UBE2E2: variants seen among roughly 807,000 people sequenced by gnomAD.
UBE2E2 encodes ubiquitin conjugating enzyme E2 E2.
Under a neutral mutation model 24.7 loss-of-function variants are expected in UBE2E2, and 6 were observed. The ratio of observed to expected loss-of-function variants is 0.24; its 90% CI spans 0.13 to 0.48. The LOEUF (loss-of-function observed/expected upper bound fraction) is 0.48. UBE2E2 is among the 20% of genes least tolerant of loss of function. The probability of loss-of-function intolerance (pLI) is 0.99; values close to 1 mark genes in which losing one functional copy is unlikely to be tolerated. For missense variants in UBE2E2, 169 were observed against 245.0 expected (o/e 0.69, Z 2.07); for synonymous variants, 104 against 83.6 (o/e 1.24, Z -1.33).
At chr3:23,327,914 A>G (rs1329954843) in intron 3 of UBE2E2, among the ~76,000 whole-genome samples, 1 of 152,196 alleles carries the variant, frequency 6.6e-6, no homozygotes, top group African/African-American at 2.4e-5. Flanking sequence ...TTATAGGATG[A>G]TAGAAGTATG....
intron 3 of UBE2E2, among the ~76,000 whole-genome samples, chr3:23,254,174 A>T (rs1220523865): frequency 6.6e-6 from 1 of 152,228 alleles, no homozygotes; most frequent in East Asian, 1.9e-4. Context: ...ATGAATTAAG[A>T]TGAATAACTG....
At chr3:23,525,851 G>A (rs1559411623) in intron 4 of UBE2E2, among the ~76,000 whole-genome samples, 4 of 152,192 alleles carry the variant, frequency 2.6e-5, no homozygotes, top group Non-Finnish European at 5.9e-5. Flanking sequence ...TGTAGGTTAA[G>A]GGTGGGAAGA....
chr3:23,284,889 C>A (rs1380194383), intron 3 of UBE2E2, among the ~76,000 whole-genome samples: 1 of 150,344 alleles, frequency 6.7e-6, no homozygotes, highest in East Asian at 1.9e-4. Flanking sequence ...CTGTAGCCAC[C>A]CTGTTGTTCT....
chr3:23,476,334 A>G (rs1198108140), intron 3 of UBE2E2, among the ~76,000 whole-genome samples: 1 of 152,080 alleles, frequency 6.6e-6, no homozygotes, highest in African/African-American at 2.4e-5. Flanking sequence ...TGTAATTATT[A>G]TGCTAGATAC....
At chr3:23,297,516 C>G (rs2125256435) in intron 3 of UBE2E2, among the ~76,000 whole-genome samples, 1 of 152,334 alleles carries the variant, frequency 6.6e-6, no homozygotes, top group South Asian at 2.1e-4. Context: ...GCAGTTTCAG[C>G]TTTCTACCTA....
intron 3 of UBE2E2, among the ~76,000 whole-genome samples, chr3:23,337,772 A>G (rs944197232): frequency 1.3e-5 from 2 of 152,222 alleles, no homozygotes; most frequent in African/African-American, 2.4e-5. Context: ...ACTTGAAGCT[A>G]TAAAGATTGG....
intron 4 of UBE2E2, among the ~76,000 whole-genome samples, chr3:23,511,826 A>T (rs533082335): frequency 6.6e-5 from 10 of 152,274 alleles, no homozygotes; most frequent in Admixed American, 5.9e-4. Flanking sequence ...ACAAGGAAAA[A>T]ACCTCATTTG....
chr3:23,466,061 G>C (rs923133145), intron 3 of UBE2E2, among the ~76,000 whole-genome samples: 1 of 152,002 alleles, frequency 6.6e-6, no homozygotes, highest in Non-Finnish European at 1.5e-5. Flanking sequence ...CCAAAATGTG[G>C]CACATTGTCA....
intron 3 of UBE2E2, among the ~76,000 whole-genome samples, chr3:23,430,805 G>A (rs989542117): frequency 6.6e-6 from 1 of 152,116 alleles, no homozygotes; most frequent in South Asian, 2.1e-4. Context: ...ACTGGTGTGA[G>A]CCACTACACC....
At chr3:23,243,620 A>C (rs545646619) in intron 3 of UBE2E2, among the ~76,000 whole-genome samples, 2 of 152,180 alleles carry the variant, frequency 1.3e-5, no homozygotes, top group African/African-American at 4.8e-5. Context: ...AAATAATTCT[A>C]CTGTTCAGCC....
chr3:23,466,207 G>T (rs1315643414), intron 3 of UBE2E2, among the ~76,000 whole-genome samples: 1 of 152,166 alleles, frequency 6.6e-6, no homozygotes, highest in Non-Finnish European at 1.5e-5. Flanking sequence ...TTTTAAAGTT[G>T]AGGTTAAACT....
chr3:23,482,684 G>A (rs1699283162), intron 3 of UBE2E2, among the ~76,000 whole-genome samples: 2 of 152,004 alleles, frequency 1.3e-5, no homozygotes, highest in Admixed American at 1.3e-4. Flanking sequence ...TTAACACAAA[G>A]CCTAATTCTT....
chr3:23,489,746 G>A (rs1040178746), intron 3 of UBE2E2, among the ~76,000 whole-genome samples: 1 of 152,150 alleles, frequency 6.6e-6, no homozygotes, highest in Non-Finnish European at 1.5e-5. Flanking sequence ...ACTGGTACTG[G>A]GAGTGGGGGA....
At chr3:23,427,993 C>T (rs763973370) in intron 3 of UBE2E2, among the ~76,000 whole-genome samples, 1 of 152,208 alleles carries the variant, frequency 6.6e-6, no homozygotes. Flanking sequence ...AGGACCCCCT[C>T]TATCAGAAAG....
rs146048559 is a variant in UBE2E2, at chr3:23,291,959, T to C, written c.227+74647T>C. On this transcript the variant is annotated intron_variant, in intron 3 of 5. Transcript: ENST00000396703. ...CTGCAGGCTCCACCTCCTGGGTTCA[T>C]GCCATTCTCCTGCCTCAGCCTCCCG... Among the ~76,000 whole-genome samples, 1,042 of 148,826 alleles carry C rather than the reference T, an allele frequency of 7.0e-3. 7 individuals carry two copies. The highest frequency in any genetic ancestry group is 0.021 in the East Asian group (103 of 4,932).
At chr3:23,204,532 T>C (rs1696093599) in intron 1 of UBE2E2, 5 of 221,358 alleles carry the variant, frequency 2.3e-5, no homozygotes, top group Non-Finnish European at 3.8e-5. Context: ...TGTTTCTAGA[T>C]ATGTGATAAT....
At chr3:23,432,148 A>T (rs192029727) in intron 3 of UBE2E2, among the ~76,000 whole-genome samples, 31 of 152,338 alleles carry the variant, frequency 2.0e-4, no homozygotes, top group African/African-American at 7.2e-4. Flanking sequence ...CAGTAATTAT[A>T]TCACAAGCAG....
intron 3 of UBE2E2, among the ~76,000 whole-genome samples, chr3:23,319,236 G>GTTTA (rs929419732): frequency 2.6e-5 from 4 of 152,070 alleles, no homozygotes; most frequent in African/African-American, 9.7e-5. Flanking sequence ...AAGGAATTGT[G>GTTTA]TTTATTTATT....
At chr3:23,332,675 GTGT>G (rs1286433223) in intron 3 of UBE2E2, among the ~76,000 whole-genome samples, 3,712 of 106,488 alleles carry the variant, frequency 0.035, 153 homozygotes, top group African/African-American at 0.12. Flanking sequence ...AGCCAGTGGG[GTGT>G]GTGTGTGTGT....
Sources: gnomAD v4.1 joint callset for allele counts (sites outside exome capture counted in the v4.1 genomes callset) on GRCh38, gnomAD v4.1.1 for gene constraint, MANE v1.5 for transcripts, NCBI Gene and HGNC (gene_info 2026-07-23, HGNC 2026-07-21) for gene names.